Variants in NIPBL observed in about 807,000 individuals in gnomAD.
NIPBL encodes the protein NIPBL cohesin loading factor.
Under a neutral mutation model 321.8 loss-of-function variants are expected in NIPBL, and 19 were observed. The ratio of observed to expected loss-of-function variants is 0.06; its 90% CI spans 0.04 to 0.09. The LOEUF (loss-of-function observed/expected upper bound fraction) is 0.09, where lower values mean the gene tolerates loss of function less well. Among genes scored for constraint, NIPBL ranks in the 10% least tolerant of loss-of-function variants. The probability of loss-of-function intolerance (pLI) is 1.00; values close to 1 mark genes in which losing one functional copy is unlikely to be tolerated. For synonymous variants in NIPBL, 1,106 were observed against 1,114.1 expected (o/e 0.99, Z 0.14); for missense variants, 2,210 against 3,327.0 (o/e 0.66, Z 8.26).
At chr5:37,028,645 T>C (rs142007440) in intron 32 of NIPBL, among the ~76,000 whole-genome samples, 400 of 152,318 alleles carry the variant, frequency 2.6e-3, no homozygotes, top group African/African-American at 9.3e-3. Context: ...CAGCCTGTAA[T>C]ACTTTTAAAA....
intron 1 of NIPBL, among the ~76,000 whole-genome samples, chr5:36,952,960 T>C (rs1173398728): frequency 1.3e-5 from 2 of 152,202 alleles, no homozygotes; most frequent in Non-Finnish European, 2.9e-5. Context: ...TTTGGATGAA[T>C]TTGAGGTTTC....
chr5:36,992,963 G>A (rs1317799441), intron 10 of NIPBL, among the ~76,000 whole-genome samples: 3 of 151,804 alleles, frequency 2.0e-5, no homozygotes, highest in Non-Finnish European at 2.9e-5. Flanking sequence ...GGATGGTCTC[G>A]ATCTCCTGAC....
At chr5:36,983,048 A>G (rs1744326877) in intron 9 of NIPBL, among the ~76,000 whole-genome samples, 1 of 151,984 alleles carries the variant, frequency 6.6e-6, no homozygotes, top group Non-Finnish European at 1.5e-5. Context: ...CTGTGGCAGA[A>G]CATAAAGATG....
At chr5:36,999,111 A>G (rs1746491298) in intron 11 of NIPBL, among the ~76,000 whole-genome samples, 1 of 152,178 alleles carries the variant, frequency 6.6e-6, no homozygotes, top group Admixed American at 6.5e-5. Context: ...GGTAGCATTT[A>G]AGAATAAGAT....
intron 11 of NIPBL, among the ~76,000 whole-genome samples, chr5:36,998,160 T>C (rs893666698): frequency 6.6e-6 from 1 of 152,080 alleles, no homozygotes; most frequent in African/African-American, 2.4e-5. Flanking sequence ...TACCTCTCTT[T>C]TGAGTCCTTT....
rs766108812 is a variant in NIPBL at position 36,985,554 on chromosome 5, C to T, written c.2374C>T (p.Arg792Trp). Residue 792 changes from arginine to tryptophan, a missense_variant, in exon 10 of 47, where the codon CGG becomes TGG. Physicochemically the swap from Arg to Trp is moderately radical, Grantham distance 101. Coordinates refer to ENST00000282516, the MANE Select transcript of NIPBL (RefSeq NM_133433.4). The stretch of plus-strand genomic sequence containing the variant: ...ACAAGATACTAAATCTGACTCACCT[C>T]GGTTAAAATCAGAACGAGCTGAAGC... ...HKQDTKSDSP[R>W]LKSERAEALK... 15 of 1,613,700 alleles carry T rather than the reference C, an allele frequency of 9.3e-6. No individual in the cohort carries two copies. The highest frequency in any genetic ancestry group is 5.5e-5 in the South Asian group (5 of 91,090).
chr5:36,941,811 A>G (rs1739091902), intron 1 of NIPBL, among the ~76,000 whole-genome samples: 1 of 152,174 alleles, frequency 6.6e-6, no homozygotes, highest in African/African-American at 2.4e-5. Flanking sequence ...GATATTACAG[A>G]ACTAAATTTT....
intron 10 of NIPBL, among the ~76,000 whole-genome samples, chr5:36,990,373 C>T (rs768219226): frequency 8.5e-5 from 13 of 152,134 alleles, no homozygotes; most frequent in South Asian, 2.1e-4. Flanking sequence ...TCCTCAGCTT[C>T]TGCAAGTCTG....
At chr5:37,049,803 G>A (rs946190653) in intron 40 of NIPBL, among the ~76,000 whole-genome samples, 3 of 152,208 alleles carry the variant, frequency 2.0e-5, no homozygotes, top group Non-Finnish European at 4.4e-5. Context: ...TAGTGTTACT[G>A]AAGATTGGCA....
intron 1 of NIPBL, among the ~76,000 whole-genome samples, chr5:36,887,276 A>G (rs1315857215): frequency 6.6e-6 from 1 of 152,218 alleles, no homozygotes; most frequent in African/African-American, 2.4e-5. Context: ...CATACAGCAC[A>G]TAGAAACTAG....
chr5:36,879,493 A>G lies in NIPBL; in HGVS notation c.-80+2315A>G, dbSNP rs562851663. ...ATACGTCATTTTTAAAGGAGAAAAC[A>G]TTGTGTAAAATTCAAATTGTAAAAT... On this transcript the variant is annotated intron_variant, in intron 1 of 46. Transcript: ENST00000282516. Among the ~76,000 whole-genome samples the G allele has an allele frequency of 2.0e-5, 3 of 152,330 alleles. No homozygotes were observed. In the South Asian group the frequency reaches 6.2e-4, roughly 32 times the overall value.
rs979313507 is a variant in NIPBL at position 36,986,092 on chromosome 5, A to G, written c.2912A>G (p.Gln971Arg). ...AGGGATAAAGATGGCAATGTTACTCAGGAGACAAAGAAAATGGAAATGAAA... is the reference window on the plus strand; with the variant it reads ...AGGGATAAAGATGGCAATGTTACTCGGGAGACAAAGAAAATGGAAATGAAA... ...IKRDKDGNVTQETKKMEMKGE... is the reference protein window; with the variant it reads ...IKRDKDGNVTRETKKMEMKGE... Residue 971 changes from glutamine to arginine, a missense_variant, in exon 10 of 47, where the codon CAG becomes CGG. Physicochemically the swap from Gln to Arg is conservative, Grantham distance 43. Around this residue, in one of 14 missense-constraint regions of NIPBL, gnomAD observed 588 missense variants for 564.1 expected, o/e 1.04. Coordinates refer to ENST00000282516, the MANE Select transcript of NIPBL (RefSeq NM_133433.4). 3 of 1,613,996 alleles carry G rather than the reference A, an allele frequency of 1.9e-6. No homozygotes were observed. The highest frequency in any genetic ancestry group is 2.5e-6 in the Non-Finnish European group (3 of 1,179,940).
chr5:37,044,517 C>T, intron 35 of NIPBL, 30 bp downstream of exon 35: 1 of 1,609,242 alleles, frequency 6.2e-7, no homozygotes, highest in East Asian at 2.2e-5. Flanking sequence ...TTTCTTTATT[C>T]ATTAGTGTAA....
chr5:36,925,271 AC>A (rs1185072534), intron 1 of NIPBL, among the ~76,000 whole-genome samples: 1 of 106,916 alleles, frequency 9.4e-6, no homozygotes, highest in Non-Finnish European at 1.7e-5. Context: ...TTAATTCATT[AC>A]TTTTTTTTTT....
chr5:37,052,671 A>T, intron 42 of NIPBL, 105 bp downstream of exon 42: 1 of 845,236 alleles, frequency 1.2e-6, no homozygotes, highest in Non-Finnish European at 1.9e-6. Flanking sequence ...TATGATAGTA[A>T]CTTCATTAAG....
rs1486059319 is a variant in NIPBL at position 37,038,717 on chromosome 5, A to G, written c.6087A>G (p.Pro2029=). 3 of 1,613,648 alleles carry G rather than the reference A, an allele frequency of 1.9e-6. No individual in the cohort carries two copies. The highest frequency in any genetic ancestry group is 2.5e-6 in the Non-Finnish European group (3 of 1,179,842). The part of the protein sequence containing the change: ...LMVKHAMTMQ[P]YLTTKCSTQN... ...TTAAACATGCAATGACTATGCAACC[A>G]TACCTTACCACTAAATGTAGTGTAA... The change falls in exon 34 of 47, where the codon CCA becomes CCG. Residue 2029 remains proline, a synonymous_variant. Transcript: ENST00000282516.
chr5:37,063,523 C>T (rs1180944286), intron 45 of NIPBL, among the ~76,000 whole-genome samples: 1 of 152,150 alleles, frequency 6.6e-6, no homozygotes, highest in Non-Finnish European at 1.5e-5. Context: ...TTATTGAAAA[C>T]ATTCATGCCC....
chr5:36,983,488 A>G (rs1340064698), intron 9 of NIPBL, among the ~76,000 whole-genome samples: 1 of 151,988 alleles, frequency 6.6e-6, no homozygotes, highest in Non-Finnish European at 1.5e-5. Context: ...GCCATTTTTC[A>G]GTTGTCAGTT....
intron 6 of NIPBL, among the ~76,000 whole-genome samples, chr5:36,966,878 A>G (rs893330761): frequency 6.6e-6 from 1 of 152,050 alleles, no homozygotes; most frequent in Non-Finnish European, 1.5e-5. Flanking sequence ...TATAAGAAAA[A>G]CGTGGGCGAA....
Sources: gnomAD v4.1 joint callset for allele counts (sites outside exome capture counted in the v4.1 genomes callset) on GRCh38, gnomAD v4.1.1 for gene constraint, gnomAD v4.1.1 regional missense constraint, MANE v1.5 for transcripts, NCBI Gene and HGNC (gene_info 2026-07-23, HGNC 2026-07-21) for gene names.